Variants in DRC11 observed in about 807,000 individuals in gnomAD.
DRC11 encodes the protein dynein regulatory complex subunit 11, also known as IQ and AAA domain-containing protein 1.
At chr2:236,465,528 G>T in the DRC11 span, 1 of 1,613,938 alleles carries the variant, frequency 6.2e-7, no homozygotes, top group South Asian at 1.1e-5. This position sits in a 1 kb window ranked among gnomAD's most constrained non-coding sequence, Gnocchi z 6.2. Context: ...ACCAATGCCG[G>T]ATCTGGTCTT....
At chr2:236,400,673 C>G in the DRC11 span, among the ~76,000 whole-genome samples, 4 of 152,120 alleles carry the variant, frequency 2.6e-5, no homozygotes, top group Admixed American at 2.6e-4. The surrounding 1 kb of genome is among the most constrained non-coding windows in gnomAD (Gnocchi z 7.9). Flanking sequence ...AGTTGGGTGG[C>G]GCGGGCGTGC....
At chr2:236,502,060 T>A in the DRC11 span, among the ~76,000 whole-genome samples, 1 of 151,882 alleles carries the variant, frequency 6.6e-6, no homozygotes, top group African/African-American at 2.4e-5. Flanking sequence ...AAAAATGCCC[T>A]CCCCACACAC....
the DRC11 span, among the ~76,000 whole-genome samples, chr2:236,411,413 T>A: frequency 6.6e-6 from 1 of 150,852 alleles, no homozygotes; most frequent in African/African-American, 2.4e-5. Flanking sequence ...CTGGAGAGGA[T>A]GTGGAGAAAT....
the DRC11 span, among the ~76,000 whole-genome samples, chr2:236,349,497 A>G: frequency 1.3e-5 from 2 of 152,232 alleles, no homozygotes; most frequent in African/African-American, 4.8e-5. The surrounding 1 kb of genome is among the most constrained non-coding windows in gnomAD (Gnocchi z 5.5). Context: ...GATTGGATAA[A>G]GAAAATGTGG....
chr2:236,506,399 A>G, the DRC11 span, among the ~76,000 whole-genome samples: 1 of 152,230 alleles, frequency 6.6e-6, no homozygotes, highest in Non-Finnish European at 1.5e-5. The surrounding 1 kb of genome is among the most constrained non-coding windows in gnomAD (Gnocchi z 4.9). Context: ...GTGATGTCCA[A>G]TGGGCACTTC....
the DRC11 span, chr2:236,465,414 C>A: frequency 9.4e-7 from 1 of 1,065,498 alleles, no homozygotes; most frequent in East Asian, 2.5e-5. This position sits in a 1 kb window ranked among gnomAD's most constrained non-coding sequence, Gnocchi z 6.2. Context: ...CCTCATGACT[C>A]TATATCAATA....
At chr2:236,344,875 G>A in the DRC11 span, among the ~76,000 whole-genome samples, 231 of 146,600 alleles carry the variant, frequency 1.6e-3, no homozygotes, top group Non-Finnish European at 2.7e-3. Flanking sequence ...TTATAAACGT[G>A]CTTCCCTCTG....
At chr2:236,455,244 T>A in the DRC11 span, 6 of 152,338 alleles carry the variant, frequency 3.9e-5, no homozygotes, top group Non-Finnish European at 8.8e-5. This position sits in a 1 kb window ranked among gnomAD's most constrained non-coding sequence, Gnocchi z 5.7. Context: ...ACCTACTTGG[T>A]GTTGTGGGAA....
the DRC11 span, among the ~76,000 whole-genome samples, chr2:236,321,454 T>C: frequency 2.4e-4 from 36 of 152,198 alleles, no homozygotes; most frequent in Admixed American, 3.3e-4. Context: ...ACGCAGAATA[T>C]GAGTATGTGT....
the DRC11 span, chr2:236,333,190 C>G: frequency 3.3e-5 from 5 of 152,188 alleles, no homozygotes; most frequent in African/African-American, 1.2e-4. This position sits in a 1 kb window ranked among gnomAD's most constrained non-coding sequence, Gnocchi z 6.0. Flanking sequence ...ATTACAATGA[C>G]AATGATTGTT....
chr2:236,364,295 C>CTTTT, the DRC11 span, among the ~76,000 whole-genome samples: 15,087 of 128,228 alleles, frequency 0.12, 1,059 homozygotes, highest in Non-Finnish European at 0.16. Context: ...TTACCTCTGG[C>CTTTT]TTTTTTTTTT....
the DRC11 span, among the ~76,000 whole-genome samples, chr2:236,485,520 T>C: frequency 5.4e-3 from 823 of 152,274 alleles, 8 homozygotes; most frequent in African/African-American, 0.018. Flanking sequence ...AAGGGCTTTG[T>C]TTCTTTTCTT....
chr2:236,320,808 C>CTCCCTCCGCCGGTCCCTCCGCCGG, the DRC11 span, among the ~76,000 whole-genome samples: 4 of 151,774 alleles, frequency 2.6e-5, no homozygotes, highest in South Asian at 6.2e-4. Context: ...GAGTCTACAG[C>CTCCCTCCGCCGGTCCCTCCGCCGG]TCCCTCCGCC....
chr2:236,507,041 G>T, the DRC11 span, among the ~76,000 whole-genome samples: 1 of 152,104 alleles, frequency 6.6e-6, no homozygotes, highest in Non-Finnish European at 1.5e-5. Context: ...GGGAGGGGGA[G>T]ATCTAAGTGT....
chr2:236,491,188 G>GTATATACA, the DRC11 span, among the ~76,000 whole-genome samples: 1 of 24,774 alleles, frequency 4.0e-5, no homozygotes, highest in Non-Finnish European at 7.5e-5. Context: ...TATACACACA[G>GTATATACA]TATATATATA....
the DRC11 span, among the ~76,000 whole-genome samples, chr2:236,428,524 T>G: frequency 6.6e-6 from 1 of 152,214 alleles, no homozygotes; most frequent in Non-Finnish European, 1.5e-5. Flanking sequence ...TGACTTAAAG[T>G]ATATTTTGTC....
the DRC11 span, among the ~76,000 whole-genome samples, chr2:236,386,179 A>C: frequency 1.3e-5 from 2 of 149,464 alleles, no homozygotes; most frequent in African/African-American, 4.9e-5. Context: ...GGCCTCATAA[A>C]ATGAGTTAGG....
At chr2:236,459,421 C>T in the DRC11 span, among the ~76,000 whole-genome samples, 24 of 150,732 alleles carry the variant, frequency 1.6e-4, no homozygotes, top group Admixed American at 6.6e-4. Context: ...TAAGGACAAG[C>T]GAAATCTCAA....
the DRC11 span, among the ~76,000 whole-genome samples, chr2:236,433,115 C>A: frequency 6.6e-6 from 1 of 151,664 alleles, no homozygotes; most frequent in African/African-American, 2.4e-5. Flanking sequence ...ATTGATGTGC[C>A]TTTTTAGTCT....
Sources: gnomAD v4.1 joint callset for allele counts (sites outside exome capture counted in the v4.1 genomes callset) on GRCh38, gnomAD v4.1.1 for gene constraint, Gnocchi (gnomAD v3.1) non-coding constraint, MANE v1.5 for transcripts, NCBI Gene and HGNC (gene_info 2026-07-23, HGNC 2026-07-21) for gene names.